Variants in PRMT9 observed in about 807,000 individuals in gnomAD.
PRMT9 encodes protein arginine methyltransferase 9, also known as protein arginine N-methyltransferase 9.
PRMT9 carries 59 observed loss-of-function variants against 83.2 expected under a neutral mutation model. That is an observed-to-expected ratio of 0.71 (90% CI 0.57 to 0.88). The LOEUF is 0.88. PRMT9 is among the 40% of genes least tolerant of loss of function. The pLI is 0.00. For synonymous variants in PRMT9, 333 were observed against 353.2 expected (o/e 0.94, Z 0.64); for missense variants, 947 against 1,021.9 (o/e 0.93, Z 1.00).
chr4:147,653,873 A>G lies in PRMT9; in HGVS notation c.2024T>C (p.Met675Thr), dbSNP rs747773557. Residue 675 changes from methionine (M) to threonine (T), a missense_variant, in exon 9 of 12, where the codon ATG becomes ACG. Transcript: ENST00000322396. ...EPSGLIQQEI[M>T]EKAAISRCLL... ...TTACCTGGATATTGCAGCTTTTTCC[A>G]TTATTTCCTGCTGAATGAGCCCAGA... 2 of 1,613,526 alleles carry G rather than the reference A, an allele frequency of 1.2e-6. No homozygotes were observed. Among genetic ancestry groups the G allele is most frequent in the Non-Finnish European group, 1.7e-6 (2 of 1,179,706 alleles).
Position 147,638,740 on chromosome 4 carries a change from A to T in PRMT9, c.2330T>A (p.Val777Asp). Residue 777 changes from valine to aspartate, a missense_variant, in exon 12 of 12, where the codon GTT becomes GAT. Transcript: ENST00000322396. ...NTSNREVKVY[V>D]CKSGRLTAIP... The stretch of plus-strand genomic sequence containing the variant: ...AGCAGTCAGTCTTCCAGATTTACAA[A>T]CGTATACCTATGAAAATAAAGAAAT... The T allele has an allele frequency of 6.2e-7, 1 of 1,607,414 alleles. No individual in the cohort carries two copies. The highest frequency in any genetic ancestry group is 8.5e-7 in the Non-Finnish European group (1 of 1,174,548).
At position 147,683,829 on chromosome 4, in the gene PRMT9, G is replaced by T. The variant is rs146901013; in HGVS notation, c.159C>A (p.Ser53Arg). 1.9e-6 allele frequency: 3 copies of T among 1,612,774 alleles called. No individual in the cohort carries two copies. The highest frequency in any genetic ancestry group is 2.5e-6 in the Non-Finnish European group (3 of 1,179,824). Residue 53 changes from serine to arginine, a missense_variant, in exon 1 of 12, where the codon AGC (serine) becomes AGA (arginine). Coordinates refer to ENST00000322396, the MANE Select transcript of PRMT9 (RefSeq NM_138364.4). ...CGTCGTGTTTCAGCTCCGGCGCCAGGCTGAGCACGAGGAGGTAGTGGGCAT... is the reference window on the plus strand; with the variant it reads ...CGTCGTGTTTCAGCTCCGGCGCCAGTCTGAGCACGAGGAGGTAGTGGGCAT... ...TAYAHYLLVLSLAPELKHDVK... is the reference protein window; with the variant it reads ...TAYAHYLLVLRLAPELKHDVK...
intron 9 of PRMT9, among the ~76,000 whole-genome samples, chr4:147,651,200 TA>T (rs879538813): frequency 3.3e-5 from 5 of 152,216 alleles, no homozygotes; most frequent in Middle Eastern, 3.4e-3. Flanking sequence ...AAAACATGTA[TA>T]TTTTTATATA....
chr4:147,683,002 T>G (rs1282785160), intron 1 of PRMT9, among the ~76,000 whole-genome samples: 1 of 152,214 alleles, frequency 6.6e-6, no homozygotes, highest in African/African-American at 2.4e-5. Context: ...TAATTGCAAT[T>G]TTAAGTTAAA....
In PRMT9 at chr4:147,654,006, C is replaced by G. The variant is rs1161459556; in HGVS notation, c.1891G>C (p.Glu631Gln). The G allele has an allele frequency of 1.2e-6, 2 of 1,614,086 alleles. No individual in the cohort carries two copies. The highest frequency in any genetic ancestry group is 1.7e-6 in the Non-Finnish European group (2 of 1,180,052). ...LISEANHFPK[E>Q]TLEFWLRHVE... The stretch of plus-strand genomic sequence containing the variant: ...TGTCTCAGCCAAAACTCAAGTGTTT[C>G]TTTAGGAAAGTGATTGGCTTCAGAT... Residue 631 changes from glutamate to glutamine, a missense_variant, in exon 9 of 12, where the codon GAA (glutamate) becomes CAA (glutamine). Physicochemically the swap from Glu to Gln is conservative, Grantham distance 29. Coordinates refer to ENST00000322396, the MANE Select transcript of PRMT9 (RefSeq NM_138364.4).
In PRMT9 at chr4:147,637,838, CAATT is replaced by C. The variant is rs1171525597; in HGVS notation, c.*690_*693del. 6.7e-6 allele frequency: 1 copy of C among 148,746 alleles called. No homozygotes were observed. Among genetic ancestry groups the C allele is most frequent in the African/African-American group, 2.4e-5 (1 of 41,212 alleles). The allele number at this position is 148,746 out of a possible 1,614,324, so 9.2% of individuals were successfully genotyped here. On this transcript the variant is annotated 3_prime_UTR_variant, in exon 12 of 12. Transcript: ENST00000322396. ...TTTCAAAAGTTTGTAAAAATTGGAT[CAATT>C]AATGTACTTATTGTACATCCAAATC...
At chr4:147,638,796 T>TTAGATAAG in intron 11 of PRMT9, 49 bp from the exon 12 acceptor site, 1 of 1,446,498 alleles carries the variant, frequency 6.9e-7, no homozygotes, top group Non-Finnish European at 9.6e-7. Context: ...TAGAGTAGAC[T>TTAGATAAG]TAGATAAGTC....
chr4:147,670,847 C>T lies in PRMT9; in HGVS notation c.744-104G>A, dbSNP rs1429771072. ...AGGAAGAGTATATTATAGAAACAGT[C>T]CATATGTAATATATCCTAATACATT... On this transcript the variant is annotated intron_variant, in intron 4 of 11. Coordinates refer to ENST00000322396, the MANE Select transcript of PRMT9 (RefSeq NM_138364.4). 6 of 761,680 alleles carry T rather than the reference C, an allele frequency of 7.9e-6. No homozygotes were observed. The Admixed American group carries it at 1.2e-4, about 15-fold the overall frequency. 47.2% of individuals were successfully genotyped at this position (761,680 alleles called of 1,614,324 possible). A position where few individuals can be genotyped will look rare whatever the true frequency, so the allele number is the denominator to read the frequency against.
Position 147,683,838 on chromosome 4 carries a change from G to A in PRMT9, c.150C>T (p.Leu50=). 2 of 1,612,390 alleles carry A rather than the reference G, an allele frequency of 1.2e-6. No homozygotes were observed. The highest frequency in any genetic ancestry group is 1.7e-6 in the Non-Finnish European group (2 of 1,179,594). ...DFGTAYAHYL[L]VLSLAPELKH... ...TCAGCTCCGGCGCCAGGCTGAGCAC[G>A]AGGAGGTAGTGGGCATAGGCAGTGC... Residue 50 remains leucine (L), a synonymous_variant, in exon 1 of 12, where the codon CTC becomes CTT. Coordinates refer to ENST00000322396, the MANE Select transcript of PRMT9 (RefSeq NM_138364.4).
intron 9 of PRMT9, among the ~76,000 whole-genome samples, chr4:147,646,011 A>G (rs913883450): frequency 6.6e-6 from 1 of 152,104 alleles, no homozygotes. Flanking sequence ...CTTTCCTATC[A>G]ACTTTTTGTC....
Position 147,680,318 on chromosome 4 carries a change from C to T in PRMT9, c.338+5G>A. The T allele has an allele frequency of 1.2e-6, 2 of 1,613,816 alleles. No individual in the cohort carries two copies. The highest frequency in any genetic ancestry group is 1.7e-6 in the Non-Finnish European group (2 of 1,179,716). ...TTAACAAGTAATACTAAAATCACTA[C>T]AAACCTGAAGAGATGCTCCCCCATA... On this transcript the variant is annotated splice_donor_5th_base_variant and intron_variant, in intron 2 of 11. Transcript: ENST00000322396.
At chr4:147,656,395 C>A (rs1434766787) in intron 8 of PRMT9, among the ~76,000 whole-genome samples, 1 of 151,884 alleles carries the variant, frequency 6.6e-6, no homozygotes, top group East Asian at 1.9e-4. Context: ...TGGACTCAAG[C>A]GATCCTTCTT....
At chr4:147,656,786 AAAAAAAAAAGAAAG>A (rs1734526343) in intron 8 of PRMT9, among the ~76,000 whole-genome samples, 1 of 148,916 alleles carries the variant, frequency 6.7e-6, no homozygotes, top group Admixed American at 6.7e-5. Context: ...AAAAAAAAAA[AAAAAAAAAAGAAAG>A]AAAGAAAAAA....
In PRMT9 at chr4:147,657,816, C is replaced by T. The variant is rs753858127; in HGVS notation, c.1306G>A (p.Val436Ile). The change falls in exon 8 of 12, where the codon GTC becomes ATC. Residue 436 changes from valine (V) to isoleucine (I), a missense_variant. Transcript: ENST00000322396. ...PSEETCWEQA[V>I]YPVQDLADYW... ...CCTGCAAGGTCCTGTACGGGGTAGA[C>T]AGCCTGTTCCCAACATGTTTCCTCA... 1.9e-5 allele frequency: 31 copies of T among 1,612,012 alleles called. No individual in the cohort carries two copies. The South Asian group carries it at 3.3e-4, about 17-fold the overall frequency.
chr4:147,664,130 G>A (rs1450385251), intron 6 of PRMT9, among the ~76,000 whole-genome samples: 1 of 152,054 alleles, frequency 6.6e-6, no homozygotes, highest in Non-Finnish European at 1.5e-5. Context: ...AAGACAGCAA[G>A]ACCCTGTCTC....
chr4:147,657,632 C>T (rs1734608772), intron 8 of PRMT9, among the ~76,000 whole-genome samples, 160 bp downstream of exon 8: 1 of 151,764 alleles, frequency 6.6e-6, no homozygotes, highest in Admixed American at 6.6e-5. Context: ...CAAATATTAC[C>T]TATTTCAAAT....
At chr4:147,663,414 G>A (rs1735109852) in intron 6 of PRMT9, among the ~76,000 whole-genome samples, 1 of 152,130 alleles carries the variant, frequency 6.6e-6, no homozygotes, top group Non-Finnish European at 1.5e-5. Context: ...CCAGGCTGGA[G>A]TACAAAGGTG....
At chr4:147,682,162 CG>C (rs769826221) in intron 1 of PRMT9, among the ~76,000 whole-genome samples, 160 of 152,134 alleles carry the variant, frequency 1.1e-3, no homozygotes, top group Admixed American at 4.1e-3. Flanking sequence ...CATGCCACCA[CG>C]CCCAGCTAAT....
intron 10 of PRMT9, among the ~76,000 whole-genome samples, chr4:147,639,665 A>C (rs1733249444): frequency 6.6e-6 from 1 of 152,184 alleles, no homozygotes; most frequent in South Asian, 2.1e-4. Flanking sequence ...CAAAGTTGTG[A>C]ATCACTATTA....
Sources: allele counts gnomAD v4.1 joint callset (sites outside exome capture counted in the v4.1 genomes callset), GRCh38; gene constraint gnomAD v4.1.1; transcripts MANE v1.5; gene names NCBI Gene and HGNC (gene_info 2026-07-23, HGNC 2026-07-21).